The following DSCC1 variants were observed in gnomAD, a reference collection of about 807,000 sequenced individuals.
The protein encoded by DSCC1 is DNA replication and sister chromatid cohesion 1, also known as sister chromatid cohesion protein DCC1.
Under a neutral mutation model 48.2 loss-of-function variants are expected in DSCC1, and 32 were observed. The observed-to-expected ratio is 0.66, with a 90% CI of 0.50 to 0.89. The LOEUF (loss-of-function observed/expected upper bound fraction) is 0.89. Ranked by LOEUF, DSCC1 falls within the 40% of genes least tolerant of loss-of-function variation. The pLI is 0.00. For synonymous variants in DSCC1, 150 were observed against 171.5 expected (o/e 0.87, Z 0.98); for missense variants, 421 against 471.7 (o/e 0.89, Z 1.00).
intron 4 of DSCC1, among the ~76,000 whole-genome samples, chr8:119,846,069 C>T (rs1191820587): frequency 6.6e-6 from 1 of 151,824 alleles, no homozygotes; most frequent in Non-Finnish European, 1.5e-5. Flanking sequence ...AGTTTCCTCA[C>T]CAGTTATAAA....
At chr8:119,835,730 C>G (rs1414753827) in intron 8 of DSCC1, among the ~76,000 whole-genome samples, 1 of 151,978 alleles carries the variant, frequency 6.6e-6, no homozygotes, top group Non-Finnish European at 1.5e-5. Context: ...CACAGCAGGG[C>G]CTAGAGTCAG....
At chr8:119,846,932 T>C in intron 4 of DSCC1, 58 bp downstream of exon 4, 1 of 1,506,144 alleles carries the variant, frequency 6.6e-7, no homozygotes, top group Non-Finnish European at 9.2e-7. Context: ...GTCCAAAAAC[T>C]TCTCTCCCTT....
chr8:119,852,965 G>A lies in DSCC1; in HGVS notation c.351+82C>T, dbSNP rs145013603. 919 of 1,294,786 alleles carry A rather than the reference G, an allele frequency of 7.1e-4. 6 individuals are homozygous for A. The African/African-American group carries it at 0.012, about 17-fold the overall frequency. The allele number at this position is 1,294,786 out of a possible 1,614,324, so 80.2% of individuals were successfully genotyped here. On this transcript the variant is annotated intron_variant, in intron 2 of 8. Transcript: ENST00000313655. ...TTCTCCCTGATTATAGATTTTACAC[G>A]TAAACTTTTTAACTAAAGATCAAAT...
At chr8:119,852,498 T>G (rs966510699) in intron 2 of DSCC1, among the ~76,000 whole-genome samples, 1 of 152,036 alleles carries the variant, frequency 6.6e-6, no homozygotes, top group Non-Finnish European at 1.5e-5. Flanking sequence ...GGATTACAGG[T>G]GCACGCCACC....
intron 7 of DSCC1, among the ~76,000 whole-genome samples, chr8:119,840,848 G>T (rs1212358234): frequency 4.6e-5 from 7 of 151,584 alleles, no homozygotes; most frequent in Non-Finnish European, 8.8e-5. Flanking sequence ...GGAGGCGGGG[G>T]TTGCAGTGAG....
chr8:119,846,852 C>T (rs919389039), intron 4 of DSCC1, 138 bp downstream of exon 4: 19 of 817,960 alleles, frequency 2.3e-5, no homozygotes, highest in Non-Finnish European at 3.1e-5. Context: ...AGCCACTGCG[C>T]CCGGCCCAAA....
At chr8:119,849,509 A>G (rs1285609136) in intron 3 of DSCC1, among the ~76,000 whole-genome samples, 4 of 152,370 alleles carry the variant, frequency 2.6e-5, no homozygotes, top group African/African-American at 9.6e-5. Flanking sequence ...CACATATTAT[A>G]TGATTCCATT....
intron 2 of DSCC1, among the ~76,000 whole-genome samples, chr8:119,850,882 C>A (rs1228872699): frequency 6.6e-6 from 1 of 151,662 alleles, no homozygotes; most frequent in Non-Finnish European, 1.5e-5. Context: ...AACAAACAAA[C>A]AAAAAAACAA....
intron 2 of DSCC1, 73 bp downstream of exon 2, chr8:119,852,974 T>G: frequency 7.3e-7 from 1 of 1,364,710 alleles, no homozygotes; most frequent in South Asian, 2.0e-5. Context: ...CGTAAACTTT[T>G]TAACTAAAGA....
chr8:119,842,374 CTT>C (rs60349433), intron 6 of DSCC1, among the ~76,000 whole-genome samples: 63 of 133,278 alleles, frequency 4.7e-4, no homozygotes, highest in South Asian at 3.3e-3. Flanking sequence ...CTGCACTGGC[CTT>C]TTTTTTTTTT....
chr8:119,843,099 TTTA>T (rs1184913603), intron 5 of DSCC1, among the ~76,000 whole-genome samples: 1 of 151,340 alleles, frequency 6.6e-6, no homozygotes, highest in Non-Finnish European at 1.5e-5. Flanking sequence ...ATTTCCTTTA[TTTA>T]TTGTTTGTTT....
chr8:119,841,786 G>A lies in DSCC1; in HGVS notation c.924+8C>T, dbSNP rs558975714. The stretch of plus-strand genomic sequence containing the variant: ...TTGAAGTAAGGTGGCAATGTCTATT[G>A]CTATTACCTTAAGCTGATCAAGACT... On this transcript the variant is annotated splice_region_variant and intron_variant, in intron 7 of 8. Coordinates refer to ENST00000313655, the MANE Select transcript of DSCC1 (RefSeq NM_024094.3). 3 of 1,611,644 alleles carry A rather than the reference G, an allele frequency of 1.9e-6. No individual in the cohort carries two copies. The highest frequency in any genetic ancestry group is 2.2e-5 in the East Asian group (1 of 44,794).
At chr8:119,847,141 C>A (rs559448201) in intron 3 of DSCC1, 61 bp from the exon 4 acceptor site, 6 of 1,421,640 alleles carry the variant, frequency 4.2e-6, no homozygotes, top group Non-Finnish European at 5.8e-6. Flanking sequence ...AGATTTCTTG[C>A]TGAATATTGA....
rs116443921 is a variant in DSCC1, at chr8:119,835,779, G to A, written c.1074-778C>T. On this transcript the variant is annotated intron_variant, in intron 8 of 8. Coordinates refer to ENST00000313655, the MANE Select transcript of DSCC1 (RefSeq NM_024094.3). ...AAGGTACCTGTGTGAACTTGTCTAGGTTACCAATGCTTCCTGAACTTTGGT... is the reference window on the plus strand; with the variant it reads ...AAGGTACCTGTGTGAACTTGTCTAGATTACCAATGCTTCCTGAACTTTGGT... Among the ~76,000 whole-genome samples, 1,244 of 152,228 alleles carry A rather than the reference G, an allele frequency of 8.2e-3. 22 individuals carry two copies. Among genetic ancestry groups the A allele is most frequent in the African/African-American group, 0.029 (1,186 of 41,540 alleles).
chr8:119,844,418 A>G (rs1321788607), intron 4 of DSCC1, among the ~76,000 whole-genome samples: 1 of 148,884 alleles, frequency 6.7e-6, no homozygotes, highest in Non-Finnish European at 1.5e-5. Context: ...CAACTTGGGC[A>G]ATGGTGAGAC....
At chr8:119,847,667 CTTT>C (rs869072335) in intron 3 of DSCC1, among the ~76,000 whole-genome samples, 6 of 52,924 alleles carry the variant, frequency 1.1e-4, no homozygotes, top group Non-Finnish European at 1.3e-4. Context: ...TCTTCTTTTT[CTTT>C]TTTTTTTTTT....
At chr8:119,850,235 G>T in intron 3 of DSCC1, 147 bp downstream of exon 3, 1 of 691,810 alleles carries the variant, frequency 1.4e-6, no homozygotes, top group Non-Finnish European at 2.2e-6. Flanking sequence ...TGTGTGCTTT[G>T]GGGTGTGCTT....
At chr8:119,848,348 A>C (rs1055171640) in intron 3 of DSCC1, among the ~76,000 whole-genome samples, 7 of 152,236 alleles carry the variant, frequency 4.6e-5, no homozygotes, top group African/African-American at 1.7e-4. Context: ...AAAATGGGAG[A>C]AAATATTTGC....
chr8:119,845,557 C>T (rs1450362223), intron 4 of DSCC1, among the ~76,000 whole-genome samples: 1 of 151,990 alleles, frequency 6.6e-6, no homozygotes, highest in African/African-American at 2.4e-5. Context: ...AAGTAATCTA[C>T]GCATCCCCCT....
Sources: gnomAD v4.1 joint callset for allele counts (sites outside exome capture counted in the v4.1 genomes callset) on GRCh38, gnomAD v4.1.1 for gene constraint, MANE v1.5 for transcripts, NCBI Gene and HGNC (gene_info 2026-07-23, HGNC 2026-07-21) for gene names.